The following TRHDE variants were observed in gnomAD, a reference collection of about 807,000 sequenced individuals.
TRHDE encodes the protein thyrotropin-releasing hormone-degrading ectoenzyme.
A neutral mutation model predicts 125.7 loss-of-function variants in TRHDE; 72 were observed. The observed-to-expected ratio is 0.57, with a 90% CI of 0.47 to 0.70. The LOEUF (loss-of-function observed/expected upper bound fraction) is 0.70, where lower values mean the gene tolerates loss of function less well. TRHDE is among the 30% of genes least tolerant of loss of function. The probability of loss-of-function intolerance (pLI) is 0.00; values close to 1 mark genes in which losing one functional copy is unlikely to be tolerated. For missense variants in TRHDE, 1,110 were observed against 1,327.1 expected, an observed-to-expected ratio of 0.84 and a Z score of 2.54; for synonymous variants, 509 against 509.1, an observed-to-expected ratio of 1.00 and a Z score of 0.00.
At chr12:72,272,348 C>T (rs1408471884), upstream of TRHDE, 2 of 361,530 alleles carry the variant, frequency 5.5e-6, no homozygotes, top group East Asian at 7.2e-5. This position sits in a 1 kb window ranked among gnomAD's most constrained non-coding sequence, Gnocchi z 6.7. Flanking sequence ...GCAGCATGTG[C>T]CCCGCCGCCG....
At chr12:72,462,801 A>G (rs978562057) in intron 3 of TRHDE, among the ~76,000 whole-genome samples, 7 of 151,888 alleles carry the variant, frequency 4.6e-5, no homozygotes, top group African/African-American at 1.7e-4. Context: ...CATATTATCT[A>G]TTTGTCTATT....
chr12:72,656,884 A>C, intron 17 of TRHDE, 43 bp from the exon 18 acceptor site: 1 of 1,320,504 alleles, frequency 7.6e-7, no homozygotes, highest in South Asian at 1.3e-5. Flanking sequence ...ATTTTTTAAA[A>C]TTATGACCTG....
intron 2 of TRHDE, among the ~76,000 whole-genome samples, chr12:72,322,246 G>T (rs1869129648): frequency 1.3e-5 from 2 of 152,030 alleles, no homozygotes; most frequent in Non-Finnish European, 2.9e-5. Flanking sequence ...CTGTAAACAG[G>T]TATTCTTTTT....
chr12:72,160,372 A>G (rs1045701892), intron 2 of TRHDE, among the ~76,000 whole-genome samples: 3 of 152,068 alleles, frequency 2.0e-5, no homozygotes, highest in Admixed American at 2.0e-4. Context: ...CTGGGATAAA[A>G]CCCATCAATC....
intron 1 of TRHDE, among the ~76,000 whole-genome samples, chr12:72,283,710 A>C (rs1025035642): frequency 6.6e-6 from 1 of 152,136 alleles, no homozygotes; most frequent in African/African-American, 2.4e-5. Flanking sequence ...AATTATCCTT[A>C]GCCCAGAGGT....
At chr12:72,578,858 C>T (rs187733778) in intron 12 of TRHDE, among the ~76,000 whole-genome samples, 219 of 152,144 alleles carry the variant, frequency 1.4e-3, no homozygotes, top group Non-Finnish European at 1.9e-3. Flanking sequence ...TAAAACAAAA[C>T]AAGAGATACA....
intron 15 of TRHDE, among the ~76,000 whole-genome samples, chr12:72,624,100 G>A (rs919331792): frequency 6.6e-6 from 1 of 151,946 alleles, no homozygotes; most frequent in Admixed American, 6.6e-5. Flanking sequence ...CTGCAGCGAG[G>A]ACACATAATA....
intron 2 of TRHDE, among the ~76,000 whole-genome samples, chr12:72,227,362 C>T (rs2948459): frequency 0.28 from 42,261 of 151,976 alleles, 6,295 homozygotes; most frequent in African/African-American, 0.34. Context: ...CAAGCGAGAG[C>T]TTGTGCAGGG....
intron 2 of TRHDE, among the ~76,000 whole-genome samples, chr12:72,203,037 G>GT (rs1449452810): frequency 2.6e-5 from 4 of 151,804 alleles, no homozygotes; most frequent in Non-Finnish European, 5.9e-5. Flanking sequence ...CAATCCTACT[G>GT]TTTTTAAGTT....
At chr12:72,585,308 G>A (rs1229650921) in intron 12 of TRHDE, among the ~76,000 whole-genome samples, 3 of 151,866 alleles carry the variant, frequency 2.0e-5, no homozygotes, top group Admixed American at 2.0e-4. Flanking sequence ...TTCCTTTCCC[G>A]ATTGGTAAGA....
At chr12:72,448,908 G>T (rs1875435431) in intron 3 of TRHDE, among the ~76,000 whole-genome samples, 2 of 151,610 alleles carry the variant, frequency 1.3e-5, no homozygotes, top group Admixed American at 1.3e-4. Context: ...TAGATCCTTT[G>T]CCTTTGGGCT....
chr12:72,419,156 G>C (rs1168123401), intron 3 of TRHDE, among the ~76,000 whole-genome samples: 2 of 152,168 alleles, frequency 1.3e-5, no homozygotes, highest in African/African-American at 4.8e-5. Flanking sequence ...ACTCAAGAGT[G>C]AGTAGATGGA....
intron 2 of TRHDE, among the ~76,000 whole-genome samples, chr12:72,216,520 C>T (rs1374433226): frequency 6.6e-6 from 1 of 152,132 alleles, no homozygotes; most frequent in Non-Finnish European, 1.5e-5. Flanking sequence ...ATATGGTGGT[C>T]TTGCAAGGTT....
At chr12:72,621,287 G>A in intron 14 of TRHDE, 82 bp downstream of exon 14, 1 of 878,896 alleles carries the variant, frequency 1.1e-6, no homozygotes, top group Non-Finnish European at 1.8e-6. Flanking sequence ...GACTTTAGCT[G>A]CATGAGACAA....
intron 18 of TRHDE, among the ~76,000 whole-genome samples, chr12:72,657,913 C>T (rs1022640010): frequency 4.1e-4 from 63 of 152,304 alleles, no homozygotes; most frequent in African/African-American, 1.5e-3. Context: ...ATGGTTTTCT[C>T]AGTTTTCACT....
At chr12:72,529,674 T>A (rs1364124588) in intron 6 of TRHDE, among the ~76,000 whole-genome samples, 1 of 152,184 alleles carries the variant, frequency 6.6e-6, no homozygotes, top group Non-Finnish European at 1.5e-5. Context: ...TGTCCTTGTG[T>A]TCATATGTGA....
rs528914701 is a variant in TRHDE, at chr12:72,284,227, T to C, written c.915-2454T>C. On this transcript the variant is annotated intron_variant, in intron 1 of 18. Coordinates refer to ENST00000261180, the MANE Select transcript of TRHDE (RefSeq NM_013381.3). ...AGCTTTTGGTCCAAAGCATTTCAGATAAGAGACACTCAACCTGTATAGCAT... is the reference window on the plus strand; with the variant it reads ...AGCTTTTGGTCCAAAGCATTTCAGACAAGAGACACTCAACCTGTATAGCAT... 4.3e-4 allele frequency among the ~76,000 whole-genome samples: 66 copies of C among 152,216 alleles called. 1 individual carries two copies. In the South Asian group the frequency reaches 0.014, roughly 32 times the overall value.
chr12:72,588,946 C>T (rs891379723), intron 12 of TRHDE, among the ~76,000 whole-genome samples: 1 of 152,114 alleles, frequency 6.6e-6, no homozygotes, highest in Non-Finnish European at 1.5e-5. Flanking sequence ...GGGAAAAACC[C>T]CTTTTAAAAC....
At chr12:72,300,681 A>G (rs775133068) in intron 2 of TRHDE, among the ~76,000 whole-genome samples, 4 of 151,826 alleles carry the variant, frequency 2.6e-5, no homozygotes, top group Non-Finnish European at 5.9e-5. Flanking sequence ...ACACATATAT[A>G]TACACACACA....
Sources: gnomAD v4.1 joint callset for allele counts (sites outside exome capture counted in the v4.1 genomes callset) on GRCh38, gnomAD v4.1.1 for gene constraint, Gnocchi (gnomAD v3.1) non-coding constraint, MANE v1.5 for transcripts, NCBI Gene and HGNC (gene_info 2026-07-23, HGNC 2026-07-21) for gene names.